CASQ1: variants seen among roughly 807,000 people sequenced by gnomAD.
The protein encoded by CASQ1 is calsequestrin-1.
Under a neutral mutation model 49.5 loss-of-function variants are expected in CASQ1, and 40 were observed. That is an observed-to-expected ratio of 0.81 (90% confidence interval 0.63 to 1.05). The LOEUF is 1.05. CASQ1 is among the 50% of genes least tolerant of loss of function. The pLI is 0.00. For synonymous variants in CASQ1, 174 were observed against 187.2 expected, an observed-to-expected ratio of 0.93 and a Z score of 0.58; for missense variants, 469 against 486.9, an observed-to-expected ratio of 0.96 and a Z score of 0.35.
Position 160,192,964 on chromosome 1 carries a change from G to A in CASQ1, c.364+78G>A, listed in dbSNP as rs557988799. On this transcript the variant is annotated intron_variant, in intron 2 of 10. Transcript: ENST00000368078. The stretch of plus-strand genomic sequence containing the variant: ...CTTAGGGCGGAGGACCTGTCAGGCA[G>A]TCCTTGGGATCCGAGGGGCTTGGGA... 8.0e-5 allele frequency: 91 copies of A among 1,131,164 alleles called. No homozygotes were observed. In the East Asian group the frequency reaches 2.1e-3, roughly 26 times the overall value. 70.1% of individuals were successfully genotyped at this position (1,131,164 alleles called of 1,614,324 possible).
chr1:160,195,411 C>A (rs544463563), intron 4 of CASQ1, 50 bp from the exon 5 acceptor site: 208 of 1,541,920 alleles, frequency 1.3e-4, no homozygotes, highest in Non-Finnish European at 1.8e-4. Flanking sequence ...GGATGATTCC[C>A]GGGCAGACCC....
In CASQ1 at chr1:160,198,741, G is replaced by T. The variant is rs1335031454; in HGVS notation, c.883+10G>T. On this transcript the variant is annotated intron_variant, in intron 8 of 10. Transcript: ENST00000368078. ...GAGGAAGCTGATCCTGGTGAGGGAG[G>T]AATACCGGGTTGGACTGGAGGGAAG... is the stretch of plus-strand genomic sequence containing the variant. The T allele has an allele frequency of 6.2e-7, 1 of 1,612,118 alleles. No homozygotes were observed. Among genetic ancestry groups the T allele is most frequent in the Non-Finnish European group, 8.5e-7 (1 of 1,178,296 alleles).
chr1:160,196,985 A>G (rs1654258214), intron 6 of CASQ1, among the ~76,000 whole-genome samples: 2 of 152,178 alleles, frequency 1.3e-5, no homozygotes, highest in Non-Finnish European at 1.5e-5. Context: ...CCCCTACTAC[A>G]AAGAATTATC....
rs1159602033 is a variant in CASQ1, at chr1:160,201,284, C to G, written c.1099C>G (p.Leu367Val). 6.2e-7 allele frequency: 1 copy of G among 1,613,618 alleles called. No homozygotes were observed. ...GATGGAAATGGACGATGAGGAGGAC[C>G]TGCCTTCTGCTGAGGAGCTGGAGGA... ...VWMEMDDEED[L>V]PSAEELEDWL... Residue 367 changes from leucine (L) to valine (V), a missense_variant, in exon 11 of 11, where the codon CTG becomes GTG. Leu to Val is a conservative substitution (Grantham distance 32, BLOSUM62 1). Coordinates refer to ENST00000368078, the MANE Select transcript of CASQ1 (RefSeq NM_001231.5).
Position 160,193,139 on chromosome 1 carries a change from C to G in CASQ1, c.364+253C>G, listed in dbSNP as rs146139512. On this transcript the variant is annotated intron_variant, in intron 2 of 10. Transcript: ENST00000368078. ...TGGGGGAGGCCTTCTTTATACTTAC[C>G]TTAAAACATGGCTAGGTGCTGGAGG... Among the ~76,000 whole-genome samples the G allele has an allele frequency of 4.3e-4, 66 of 152,224 alleles. No homozygotes were observed. The East Asian group carries it at 0.012, about 27-fold the overall frequency.
intron 7 of CASQ1, 141 bp downstream of exon 7, chr1:160,197,755 A>C (rs867238441): frequency 6.1e-6 from 4 of 660,786 alleles, no homozygotes; most frequent in African/African-American, 1.8e-5. Context: ...GTGGTGGCTC[A>C]TGCCTGTAAT....
Position 160,190,861 on chromosome 1 carries a change from G to T in CASQ1, c.110G>T (p.Gly37Val), listed in dbSNP as rs1294869376. 7 of 1,614,076 alleles carry T rather than the reference G, an allele frequency of 4.3e-6. No homozygotes were observed. Among genetic ancestry groups the T allele is most frequent in the Non-Finnish European group, 5.9e-6 (7 of 1,180,038 alleles). ...AAGTCAGGGGTACAGGGGCAGGAAGGGCTGGACTTCCCTGAGTACGATGGT... is the reference window on the plus strand; with the variant it reads ...AAGTCAGGGGTACAGGGGCAGGAAGTGCTGGACTTCCCTGAGTACGATGGT... ...TPKSGVQGQE[G>V]LDFPEYDGVD... The change falls in exon 1 of 11, where the codon GGG (glycine) becomes GTG (valine). Residue 37 changes from glycine (G) to valine (V), a missense_variant. Gly to Val is a moderately radical substitution (Grantham distance 109). Transcript: ENST00000368078.
chr1:160,196,042 C>T lies in CASQ1; in HGVS notation c.782+15C>T, dbSNP rs2101675364. 6.2e-7 allele frequency: 1 copy of T among 1,612,900 alleles called. No individual in the cohort carries two copies. The highest frequency in any genetic ancestry group is 8.5e-7 in the Non-Finnish European group (1 of 1,179,356). On this transcript the variant is annotated intron_variant, in intron 6 of 10. Transcript: ENST00000368078. Reference sequence around the variant, plus strand: ...GAGCACAGGAGGTGGGGACCAAGGGCAACCCTCTCAGCGGGGTCGGCTCCT... The same window carrying T: ...GAGCACAGGAGGTGGGGACCAAGGGTAACCCTCTCAGCGGGGTCGGCTCCT...
chr1:160,193,371 T>G (rs1654124190), intron 2 of CASQ1, among the ~76,000 whole-genome samples: 1 of 152,128 alleles, frequency 6.6e-6, no homozygotes, highest in Admixed American at 6.5e-5. Flanking sequence ...AGAGCTTGAC[T>G]GGGAACCAGC....
In CASQ1 at chr1:160,197,592, C is replaced by T. The variant is rs559664470; in HGVS notation, c.806C>T (p.Pro269Leu). ...HRRSTLRKLKPESMYETWEDD... is the reference protein window; with the variant it reads ...HRRSTLRKLKLESMYETWEDD... The stretch of plus-strand genomic sequence containing the variant: ...AGATCAACCCTGAGGAAACTGAAGC[C>T]GGAGAGTATGTATGAGACCTGGGTG... The change falls in exon 7 of 11, where the codon CCG becomes CTG. Residue 269 changes from proline (P) to leucine (L), a missense_variant. Transcript: ENST00000368078. 6.4e-5 allele frequency: 103 copies of T among 1,612,052 alleles called. No homozygotes were observed. The highest frequency in any genetic ancestry group is 3.3e-4 in the Middle Eastern group (2 of 6,060).
At chr1:160,195,368 C>CA in intron 4 of CASQ1, 93 bp from the exon 5 acceptor site, 2 of 1,216,216 alleles carry the variant, frequency 1.6e-6, no homozygotes, top group Non-Finnish European at 2.4e-6. Flanking sequence ...TCAAAATGAA[C>CA]CCTGCCTGCA....
intron 3 of CASQ1, among the ~76,000 whole-genome samples, chr1:160,194,424 C>T (rs1159052116): frequency 1.4e-5 from 2 of 139,752 alleles, no homozygotes; most frequent in Non-Finnish European, 3.1e-5. Context: ...ATATGCACCA[C>T]ATGCACACCA....
At position 160,190,890 on chromosome 1, in the gene CASQ1, G is replaced by A. The variant is rs753139131; in HGVS notation, c.139G>A (p.Asp47Asn). The change falls in exon 1 of 11, where the codon GAC becomes AAC. Residue 47 changes from aspartate (D) to asparagine (N), a missense_variant. By Grantham distance (23) the Asp-to-Asn change is conservative. Coordinates refer to ENST00000368078, the MANE Select transcript of CASQ1 (RefSeq NM_001231.5). Reference sequence around the variant, plus strand: ...GGACTTCCCTGAGTACGATGGTGTGGACCGTGTGATCAATGTCAATGCAAA... The same window carrying A: ...GGACTTCCCTGAGTACGATGGTGTGAACCGTGTGATCAATGTCAATGCAAA... ...GLDFPEYDGV[D>N]RVINVNAKNY... The A allele has an allele frequency of 4.3e-6, 7 of 1,614,194 alleles. No homozygotes were observed. Among genetic ancestry groups the A allele is most frequent in the African/African-American group, 1.3e-5 (1 of 75,026 alleles).
chr1:160,193,127 C>A (rs553407782), intron 2 of CASQ1, among the ~76,000 whole-genome samples: 1 of 152,124 alleles, frequency 6.6e-6, no homozygotes, highest in Admixed American at 6.5e-5. Flanking sequence ...GGGAGGCCTT[C>A]TTTATACTTA....
chr1:160,201,301 G>C lies in CASQ1; in HGVS notation c.1116G>C (p.Glu372Asp), dbSNP rs1169265732. 1 of 1,613,784 alleles carries C rather than the reference G, an allele frequency of 6.2e-7. No homozygotes were observed. The change falls in exon 11 of 11, where the codon GAG (glutamate) becomes GAC (aspartate). Residue 372 changes from glutamate (E) to aspartate (D), a missense_variant. Transcript: ENST00000368078. Reference protein sequence around the residue: ...DDEEDLPSAEELEDWLEDVLE... With the variant: ...DDEEDLPSAEDLEDWLEDVLE... Reference sequence around the variant, plus strand: ...AGGAGGACCTGCCTTCTGCTGAGGAGCTGGAGGACTGGCTGGAGGATGTCC... The same window carrying C: ...AGGAGGACCTGCCTTCTGCTGAGGACCTGGAGGACTGGCTGGAGGATGTCC...
rs1370480820 is a variant in CASQ1 at position 160,190,699 on chromosome 1, C to T, written c.-53C>T. 4 of 1,570,762 alleles carry T rather than the reference C, an allele frequency of 2.5e-6. No individual in the cohort carries two copies. The Admixed American group carries it at 7.1e-5, about 28-fold the overall frequency. On this transcript the variant is annotated 5_prime_UTR_variant, in exon 1 of 11. Transcript: ENST00000368078. The stretch of plus-strand genomic sequence containing the variant: ...TCTGGGACCCAGGGGCCCCTCCCTA[C>T]CCCAGCTAACCTCTTCTGGACCAGG...
At position 160,194,397 on chromosome 1, in the gene CASQ1, G is replaced by C. The variant is rs1315169889; in HGVS notation, c.465+550G>C. On this transcript the variant is annotated intron_variant, in intron 3 of 10. Coordinates refer to ENST00000368078, the MANE Select transcript of CASQ1 (RefSeq NM_001231.5). ...CACACAATAGGCCACACATCACCTA[G>C]ATACCACACACTATGCATATGCACC... Among the ~76,000 whole-genome samples the C allele has an allele frequency of 1.5e-3, 168 of 112,350 alleles. 2 individuals carry two copies. Among genetic ancestry groups the C allele is most frequent in the East Asian group, 5.6e-4 (2 of 3,570 alleles). The allele number at this position is 112,350 out of a possible 152,430, so 73.7% of individuals were successfully genotyped here. A position where few individuals can be genotyped will look rare whatever the true frequency, so the allele number is the denominator to read the frequency against.
In CASQ1 at chr1:160,201,285, T is replaced by C. The variant is rs1418750394; in HGVS notation, c.1100T>C (p.Leu367Pro). 6.2e-7 allele frequency: 1 copy of C among 1,613,522 alleles called. No homozygotes were observed. The highest frequency in any genetic ancestry group is 8.5e-7 in the Non-Finnish European group (1 of 1,179,810). The change falls in exon 11 of 11, where the codon CTG (leucine) becomes CCG (proline). Residue 367 changes from leucine to proline, a missense_variant. Leu to Pro is a moderately conservative substitution (Grantham distance 98, BLOSUM62 -3). Coordinates refer to ENST00000368078, the MANE Select transcript of CASQ1 (RefSeq NM_001231.5). The stretch of plus-strand genomic sequence containing the variant: ...ATGGAAATGGACGATGAGGAGGACC[T>C]GCCTTCTGCTGAGGAGCTGGAGGAC... Reference protein sequence around the residue: ...VWMEMDDEEDLPSAEELEDWL... With the variant: ...VWMEMDDEEDPPSAEELEDWL...
At chr1:160,198,888 C>G (rs1189415259) in intron 8 of CASQ1, 65 bp from the exon 9 acceptor site, 19 of 1,191,770 alleles carry the variant, frequency 1.6e-5, no homozygotes. Flanking sequence ...GCTCTGCACT[C>G]CTGTTTCACC....
Sources: allele counts gnomAD v4.1 joint callset (sites outside exome capture counted in the v4.1 genomes callset), GRCh38; gene constraint gnomAD v4.1.1; transcripts MANE v1.5; gene names NCBI Gene and HGNC (gene_info 2026-07-23, HGNC 2026-07-21).